The following PTPRJ variants were observed in gnomAD, a reference collection of about 807,000 sequenced individuals.
PTPRJ encodes receptor-type tyrosine-protein phosphatase eta.
PTPRJ carries 129 observed loss-of-function variants against 141.3 expected under a neutral mutation model. The ratio of observed to expected loss-of-function variants is 0.91; its 90% CI spans 0.79 to 1.06. The LOEUF is 1.06. Ranked by LOEUF, PTPRJ falls within the 50% of genes least tolerant of loss-of-function variation. The probability of loss-of-function intolerance (pLI) is 0.00; values close to 1 mark genes in which losing one functional copy is unlikely to be tolerated. For missense variants in PTPRJ, 1,601 were observed against 1,679.7 expected, an observed-to-expected ratio of 0.95 and a Z score of 0.82; for synonymous variants, 610 against 640.5, an observed-to-expected ratio of 0.95 and a Z score of 0.72.
intron 1 of PTPRJ, among the ~76,000 whole-genome samples, chr11:48,041,269 G>A (rs1050183848): frequency 1.3e-5 from 2 of 152,130 alleles, no homozygotes; most frequent in East Asian, 1.9e-4. Context: ...TGAAGGATTC[G>A]TGTGAAAATG....
intron 1 of PTPRJ, among the ~76,000 whole-genome samples, chr11:48,080,283 A>G (rs1429512045): frequency 6.6e-6 from 1 of 152,236 alleles, no homozygotes; most frequent in Non-Finnish European, 1.5e-5. Context: ...TTTCAAGTGC[A>G]TACCATGTGC....
At chr11:48,113,597 G>T (rs1590518284) in intron 3 of PTPRJ, among the ~76,000 whole-genome samples, 5 of 152,300 alleles carry the variant, frequency 3.3e-5, no homozygotes, top group Middle Eastern at 6.8e-3. Flanking sequence ...ACCTGGGTTA[G>T]ATAATTGATT....
intron 1 of PTPRJ, among the ~76,000 whole-genome samples, chr11:48,001,143 G>A (rs1190525902): frequency 6.6e-6 from 1 of 151,806 alleles, no homozygotes; most frequent in Admixed American, 6.6e-5. Flanking sequence ...ACAGGCATGT[G>A]CCATTACACC....
chr11:48,091,611 T>C (rs923296847), intron 1 of PTPRJ, among the ~76,000 whole-genome samples: 4 of 152,238 alleles, frequency 2.6e-5, no homozygotes, highest in African/African-American at 9.6e-5. Flanking sequence ...ATGTAGTTTA[T>C]GCAACTTTTC....
At chr11:48,155,964 T>C in intron 20 of PTPRJ, 21 bp from the exon 21 acceptor site, 2 of 1,607,146 alleles carry the variant, frequency 1.2e-6, no homozygotes, top group South Asian at 2.2e-5. Context: ...AGGTTGACTA[T>C]GTGCTGTTTC....
intron 14 of PTPRJ, among the ~76,000 whole-genome samples, chr11:48,145,559 T>TG (rs1491582496): frequency 2.2e-4 from 1 of 4,606 alleles, no homozygotes; most frequent in Non-Finnish European, 3.0e-3. Flanking sequence ...TTATTTTATG[T>TG]TTTTTTTTTT....
intron 1 of PTPRJ, among the ~76,000 whole-genome samples, chr11:48,032,398 G>T (rs1403104902): frequency 6.6e-6 from 1 of 152,236 alleles, no homozygotes; most frequent in African/African-American, 2.4e-5. Flanking sequence ...GAACTTTCAA[G>T]TTAGGCCTCA....
At chr11:48,088,982 G>T (rs1451851390) in intron 1 of PTPRJ, among the ~76,000 whole-genome samples, 4 of 152,112 alleles carry the variant, frequency 2.6e-5, no homozygotes, top group African/African-American at 9.7e-5. Flanking sequence ...TATTTATTCA[G>T]GTAACACACT....
At chr11:48,105,696 G>C (rs1464581670) in intron 1 of PTPRJ, among the ~76,000 whole-genome samples, 1 of 152,142 alleles carries the variant, frequency 6.6e-6, no homozygotes, top group South Asian at 2.1e-4. Context: ...TCAGGCTGAC[G>C]GGCTTTCAGT....
intron 1 of PTPRJ, among the ~76,000 whole-genome samples, chr11:48,084,934 G>A (rs7122335): frequency 0.75 from 114,479 of 152,096 alleles, 43,581 homozygotes; most frequent in East Asian, 0.84. Context: ...CCAAAGTGCA[G>A]TGGATGCAAA....
At chr11:48,061,100 C>T (rs1854909987) in intron 1 of PTPRJ, among the ~76,000 whole-genome samples, 1 of 152,154 alleles carries the variant, frequency 6.6e-6, no homozygotes. Flanking sequence ...CCTCAGCCTC[C>T]CAAGTAGCTG....
At position 48,007,276 on chromosome 11, in the gene PTPRJ, ATT is replaced by A. The variant is rs36058449; in HGVS notation, c.96+26281_96+26282del. Among the ~76,000 whole-genome samples, 539 of 137,770 alleles carry A rather than the reference ATT, an allele frequency of 3.9e-3. 1 individual carries two copies. Among genetic ancestry groups the A allele is most frequent in the African/African-American group, 0.012 (471 of 39,380 alleles). 90.4% of individuals were successfully genotyped at this position (137,770 alleles called of 152,430 possible). On this transcript the variant is annotated intron_variant, in intron 1 of 24. Coordinates refer to ENST00000418331, the MANE Select transcript of PTPRJ (RefSeq NM_002843.4). ...CCACCACGCCCGGCTAATTTTTTGT[ATT>A]TTTTTTTTTTTTAGTAGAGATGGGT...
chr11:47,994,676 T>A (rs948117939), intron 1 of PTPRJ, among the ~76,000 whole-genome samples: 6 of 151,646 alleles, frequency 4.0e-5, no homozygotes, highest in African/African-American at 1.2e-4. Flanking sequence ...AAAAAATAAA[T>A]AAATAAATAA....
At chr11:48,134,114 T>C (rs1857035247) in intron 8 of PTPRJ, among the ~76,000 whole-genome samples, 1 of 152,204 alleles carries the variant, frequency 6.6e-6, no homozygotes, top group African/African-American at 2.4e-5. Context: ...ATGGTATGTA[T>C]GTTTTACCAC....
intron 1 of PTPRJ, among the ~76,000 whole-genome samples, chr11:48,059,418 T>G (rs572613983): frequency 6.6e-6 from 1 of 152,272 alleles, no homozygotes; most frequent in Admixed American, 6.5e-5. Context: ...CCACTGCGCC[T>G]GGCTGCTCTG....
intron 22 of PTPRJ, 103 bp from the exon 23 acceptor site, chr11:48,163,355 A>G: frequency 9.0e-7 from 1 of 1,116,956 alleles, no homozygotes; most frequent in Admixed American, 2.1e-5. Context: ...TTTAGTCATT[A>G]CAACTCCTGG....
At chr11:48,062,329 C>T (rs1257543552) in intron 1 of PTPRJ, among the ~76,000 whole-genome samples, 4 of 151,896 alleles carry the variant, frequency 2.6e-5, no homozygotes, top group Non-Finnish European at 5.9e-5. Flanking sequence ...CTGGCTAAAA[C>T]GGTGAAACCC....
rs371563384 is a variant in PTPRJ at position 47,998,865 on chromosome 11, G to A, written c.96+17857G>A. 4.6e-5 allele frequency among the ~76,000 whole-genome samples: 7 copies of A among 152,324 alleles called. No individual in the cohort carries two copies. The South Asian group carries it at 1.0e-3, about 23-fold the overall frequency. ...ACATGTAGGAGGTGCAGCTGCCAGG[G>A]AAGGGAGGGATGTTACCTGGAGAGG... is the stretch of plus-strand genomic sequence containing the variant. On this transcript the variant is annotated intron_variant, in intron 1 of 24. Transcript: ENST00000418331.
At chr11:48,080,433 A>G (rs1170182146) in intron 1 of PTPRJ, among the ~76,000 whole-genome samples, 3 of 151,920 alleles carry the variant, frequency 2.0e-5, no homozygotes, top group Non-Finnish European at 4.4e-5. Flanking sequence ...GGGTAACTCA[A>G]GAGGGAAATT....
Sources: allele counts gnomAD v4.1 joint callset (sites outside exome capture counted in the v4.1 genomes callset), GRCh38; gene constraint gnomAD v4.1.1; transcripts MANE v1.5; gene names NCBI Gene and HGNC (gene_info 2026-07-23, HGNC 2026-07-21).